The following CPVL variants were observed in gnomAD, a reference collection of about 807,000 sequenced individuals.
The protein encoded by CPVL is probable serine carboxypeptidase CPVL.
CPVL carries 51 observed loss-of-function variants against 63.7 expected under a neutral mutation model. The observed-to-expected ratio is 0.80, with a 90% CI of 0.64 to 1.01. The LOEUF (loss-of-function observed/expected upper bound fraction) is 1.01. CPVL is among the 50% of genes least tolerant of loss of function. CPVL has a pLI of 0.00. For synonymous variants in CPVL, 195 were observed against 206.0 expected (o/e 0.95, Z 0.46); for missense variants, 530 against 573.1 (o/e 0.92, Z 0.77).
At chr7:29,171,807 T>A (rs1347075690) in intron 5 of CPVL, among the ~76,000 whole-genome samples, 1 of 152,220 alleles carries the variant, frequency 6.6e-6, no homozygotes. Context: ...ATTGAATCCA[T>A]CACTTTTTAA....
chr7:29,071,712 C>CTG, intron 9 of CPVL, 61 bp downstream of exon 9: 9 of 618,250 alleles, frequency 1.5e-5, no homozygotes, highest in Non-Finnish European at 2.5e-5. Context: ...CCTGCTCACC[C>CTG]GCCCTCCCTC....
Position 29,120,892 on chromosome 7 carries a change from C to A in CPVL, c.169+1G>T. ...TTTCTGATTTAATTAAACTTACTTA[C>A]CTTTTTGGATCTTCCCAGCTTCAAT... On this transcript the variant is annotated splice_donor_variant, in intron 2 of 12. Coordinates refer to ENST00000265394, the MANE Select transcript of CPVL (RefSeq NM_031311.5). LOFTEE classifies it high-confidence loss of function. 1 of 1,607,952 alleles carries A rather than the reference C, an allele frequency of 6.2e-7. No homozygotes were observed. The highest frequency in any genetic ancestry group is 1.1e-5 in the South Asian group (1 of 90,348).
At chr7:29,094,920 G>A (rs1786241221) in intron 5 of CPVL, among the ~76,000 whole-genome samples, 164 bp downstream of exon 5, 1 of 151,944 alleles carries the variant, frequency 6.6e-6, no homozygotes, top group South Asian at 2.1e-4. Flanking sequence ...GATTATACAT[G>A]TTAACAGAAA....
Position 28,995,624 on chromosome 7 carries a change from A to G in CPVL, c.*148T>C, listed in dbSNP as rs73088033. 18,348 of 621,122 alleles carry G rather than the reference A, an allele frequency of 0.03. 361 individuals carry two copies. Among genetic ancestry groups the G allele is most frequent in the Non-Finnish European group, 0.036 (12,792 of 357,930 alleles). 38.5% of individuals were successfully genotyped at this position (621,122 alleles called of 1,614,324 possible). On this transcript the variant is annotated 3_prime_UTR_variant, in exon 13 of 13. Coordinates refer to ENST00000265394, the MANE Select transcript of CPVL (RefSeq NM_031311.5). ...GTAAACATCTCCCCCCAAAAACAAA[A>G]GCTCACTTGTTTCAAGGATAATTTT...
chr7:29,182,816 T>C (rs1798224518), intron 4 of CPVL, among the ~76,000 whole-genome samples: 1 of 152,184 alleles, frequency 6.6e-6, no homozygotes, highest in African/African-American at 2.4e-5. Flanking sequence ...ACAGGGTAGA[T>C]GAGAGTAGAG....
chr7:29,030,778 A>C lies in CPVL; in HGVS notation c.1138-19T>G. Reference sequence around the variant, plus strand: ...TCAGAACCTGAAATGAAATCAAGCCATCAGCAAATGCAAGATTCAGGAGGT... The same window carrying C: ...TCAGAACCTGAAATGAAATCAAGCCCTCAGCAAATGCAAGATTCAGGAGGT... On this transcript the variant is annotated intron_variant, in intron 11 of 12. Transcript: ENST00000265394. The C allele has an allele frequency of 6.3e-7, 1 of 1,587,412 alleles. No homozygotes were observed. The highest frequency in any genetic ancestry group is 1.7e-4 in the Middle Eastern group (1 of 5,918).
chr7:29,086,605 CTCTTCATGCTAGGATATCAAA>C, intron 6 of CPVL, 55 bp from the exon 7 acceptor site: 1 of 1,269,294 alleles, frequency 7.9e-7, no homozygotes, highest in Non-Finnish European at 1.2e-6. Flanking sequence ...GATTCAGGAT[CTCTTCATGCTAGGATATCAAA>C]TCTAACTCTT....
intron 5 of CPVL, among the ~76,000 whole-genome samples, chr7:29,173,313 C>T (rs1796855464): frequency 6.6e-6 from 1 of 152,026 alleles, no homozygotes; most frequent in Non-Finnish European, 1.5e-5. Context: ...CTGGTAGCCT[C>T]GAGTGGGGGC....
At chr7:29,122,453 T>C (rs1789481500) in intron 1 of CPVL, 1 of 152,180 alleles carries the variant, frequency 6.6e-6, no homozygotes, top group African/African-American at 2.4e-5. Context: ...TGGTCAGACA[T>C]TGAGGCGATC....
upstream of CPVL, chr7:29,146,737 G>A: frequency 6.4e-7 from 1 of 1,550,446 alleles, no homozygotes; most frequent in East Asian, 2.4e-5. Flanking sequence ...TCGGCGGGGT[G>A]CCATTCAGGT....
At chr7:29,162,377 G>A (rs1280672400) in intron 5 of CPVL, among the ~76,000 whole-genome samples, 1 of 152,108 alleles carries the variant, frequency 6.6e-6, no homozygotes, top group Non-Finnish European at 1.5e-5. Flanking sequence ...AGAACATTAT[G>A]ATGGCCAGGC....
At position 29,064,225 on chromosome 7, in the gene CPVL, C is replaced by A. The variant is rs1043419129; in HGVS notation, c.973G>T (p.Asp325Tyr). The change falls in exon 11 of 13, where the codon GAT becomes TAT. Residue 325 changes from aspartate to tyrosine, a missense_variant. Asp to Tyr is a radical substitution (Grantham distance 160). Transcript: ENST00000265394. ...YNFLRCTEPE[D>Y]QLYYVKFLSL... ...AAAAATTTCACATAGTAAAGCTGAT[C>A]CTCAGGTTCCTGGCAGAAGGGGCAT... The A allele has an allele frequency of 6.2e-7, 1 of 1,610,456 alleles. No homozygotes were observed. The highest frequency in any genetic ancestry group is 8.5e-7 in the Non-Finnish European group (1 of 1,177,206).
intron 12 of CPVL, among the ~76,000 whole-genome samples, chr7:29,015,555 A>G (rs1366882993): frequency 6.6e-6 from 1 of 152,186 alleles, no homozygotes; most frequent in Admixed American, 6.5e-5. Context: ...CTCTGCCATA[A>G]GTGAAACTCC....
At chr7:29,064,923 A>T (rs28380154) in intron 10 of CPVL, among the ~76,000 whole-genome samples, 1 of 7,908 alleles carries the variant, frequency 1.3e-4, no homozygotes, top group South Asian at 0.011. Context: ...TAATAAAATT[A>T]AAAAATAAAA....
intron 1 of CPVL, among the ~76,000 whole-genome samples, chr7:29,124,154 CAT>C (rs1027764259): frequency 2.6e-5 from 4 of 152,098 alleles, no homozygotes; most frequent in African/African-American, 9.7e-5. Flanking sequence ...AACACCCTCT[CAT>C]ATGTTTTTGC....
intron 11 of CPVL, among the ~76,000 whole-genome samples, chr7:29,040,824 T>C (rs1318972124): frequency 1.3e-5 from 2 of 152,184 alleles, no homozygotes; most frequent in Non-Finnish European, 2.9e-5. Flanking sequence ...TTCTTGCACC[T>C]TAACTCTAAA....
At chr7:29,121,834 C>T (rs1175283202) in intron 1 of CPVL, among the ~76,000 whole-genome samples, 4 of 152,000 alleles carry the variant, frequency 2.6e-5, no homozygotes, top group Non-Finnish European at 4.4e-5. Context: ...CAAAGAACAA[C>T]AACAACAAAA....
At chr7:29,121,155 C>A in intron 1 of CPVL, 84 bp from the exon 2 acceptor site, 1 of 1,312,308 alleles carries the variant, frequency 7.6e-7, no homozygotes, top group Non-Finnish European at 1.0e-6. Flanking sequence ...TTCATTTATT[C>A]ACTTAAAAAA....
intron 1 of CPVL, chr7:29,122,662 A>T (rs1789501266): frequency 6.6e-6 from 1 of 152,236 alleles, no homozygotes; most frequent in South Asian, 2.1e-4. Context: ...ACTTGAATCA[A>T]AAGAGTGTCT....
Sources: allele counts gnomAD v4.1 joint callset (sites outside exome capture counted in the v4.1 genomes callset), GRCh38; gene constraint gnomAD v4.1.1; transcripts MANE v1.5; gene names NCBI Gene and HGNC (gene_info 2026-07-23, HGNC 2026-07-21).